ZNF225: variants seen among roughly 807,000 people sequenced by gnomAD.
The protein encoded by ZNF225 is zinc finger protein 225.
Under a neutral mutation model 12.0 loss-of-function variants are expected in ZNF225, and 6 were observed. The ratio of observed to expected loss-of-function variants is 0.50; its 90% CI spans 0.27 to 0.98. ZNF225 has a LOEUF of 0.98. ZNF225 is among the 50% of genes least tolerant of loss of function. The probability of loss-of-function intolerance (pLI) is 0.11; values close to 1 mark genes in which losing one functional copy is unlikely to be tolerated. For synonymous variants in ZNF225, 271 were observed against 283.2 expected, an observed-to-expected ratio of 0.96 and a Z score of 0.43; for missense variants, 763 against 848.2, an observed-to-expected ratio of 0.90 and a Z score of 1.25.
At position 44,131,338 on chromosome 19, in the gene ZNF225, AGTC is replaced by A. The variant is rs1968253105; in HGVS notation, c.727_729del (p.Arg244del). 2.5e-6 allele frequency: 4 copies of A among 1,614,064 alleles called. No homozygotes were observed. In the South Asian group the frequency reaches 4.4e-5, roughly 18 times the overall value. On this transcript the variant is annotated inframe_deletion, in exon 5 of 5. Transcript: ENST00000262894. ...ATGTGAGCAGTGTGGGAAAGGCTTT[AGTC>A]GTAGATCAGGACTTTATGTTCATCG...
intron 4 of ZNF225, among the ~76,000 whole-genome samples, chr19:44,120,861 T>C (rs1047741889): frequency 3.3e-5 from 5 of 151,402 alleles, no homozygotes; most frequent in Admixed American, 3.3e-4. Context: ...TCTCTCGCCC[T>C]CCTCCCACTC....
intron 4 of ZNF225, among the ~76,000 whole-genome samples, chr19:44,128,289 A>AACATGTT (rs537441232): frequency 6.6e-5 from 10 of 152,156 alleles, no homozygotes; most frequent in Non-Finnish European, 1.2e-4. Flanking sequence ...CAAATTTGTT[A>AACATGTT]AACATGTTAA....
chr19:44,125,932 C>T (rs1968138362), intron 4 of ZNF225, among the ~76,000 whole-genome samples: 1 of 151,980 alleles, frequency 6.6e-6, no homozygotes, highest in Admixed American at 6.6e-5. Context: ...AATATTTCTC[C>T]CTTCACTTAT....
At chr19:44,117,201 C>A (rs1354825440) in intron 2 of ZNF225, among the ~76,000 whole-genome samples, 1 of 152,100 alleles carries the variant, frequency 6.6e-6, no homozygotes, top group Non-Finnish European at 1.5e-5. Flanking sequence ...CTTGTTTAAT[C>A]ATTGAAAAAA....
rs777270641 is a variant in ZNF225, at chr19:44,132,750, T to C, written c.*15T>C. The C allele has an allele frequency of 3.4e-5, 52 of 1,542,044 alleles. 1 individual carries two copies. The highest frequency in any genetic ancestry group is 7.4e-5 in the South Asian group (6 of 80,826). On this transcript the variant is annotated 3_prime_UTR_variant, in exon 5 of 5. Transcript: ENST00000262894. ...ATGACACATAACTGTTGTACTCATT[T>C]ATGGGGTACAGTGTGATAGTTAATG...
In ZNF225 at chr19:44,132,131, A is replaced by G; in HGVS notation, c.1517A>G (p.His506Arg). The change falls in exon 5 of 5, where the codon CAC (histidine) becomes CGC (arginine). Residue 506 changes from histidine (H) to arginine (R), a missense_variant. By Grantham distance (29) the His-to-Arg change is conservative. Coordinates refer to ENST00000262894, the MANE Select transcript of ZNF225 (RefSeq NM_013362.4). ...NSQLYTHRRVHSGEKPFKCEE... is the reference protein window; with the variant it reads ...NSQLYTHRRVRSGEKPFKCEE... ...CAACTTTATACCCATCGTAGAGTCCACAGTGGAGAAAAACCATTCAAATGT... is the reference window on the plus strand; with the variant it reads ...CAACTTTATACCCATCGTAGAGTCCGCAGTGGAGAAAAACCATTCAAATGT... 8.1e-6 allele frequency: 13 copies of G among 1,614,204 alleles called. No homozygotes were observed. The highest frequency in any genetic ancestry group is 1.1e-5 in the Non-Finnish European group (13 of 1,180,004).
chr19:44,129,238 C>A, intron 4 of ZNF225: 1 of 634,304 alleles, frequency 1.6e-6, no homozygotes. Context: ...AGAGCTTAAC[C>A]AATTGCAAAG....
chr19:44,111,873 CTACTTTGT>C (rs1464592221), upstream of ZNF225: 2 of 152,144 alleles, frequency 1.3e-5, no homozygotes, highest in East Asian at 3.9e-4. Flanking sequence ...AATGAAGCAG[CTACTTTGT>C]CTGAGGTTTA....
upstream of ZNF225, chr19:44,111,971 T>C (rs1599669593): frequency 6.6e-6 from 1 of 152,162 alleles, no homozygotes; most frequent in Middle Eastern, 3.4e-3. Context: ...AGCGGAGGTT[T>C]AATAGGAAGA....
In ZNF225 at chr19:44,131,244, T is replaced by C. The variant is rs755462352; in HGVS notation, c.630T>C (p.Gly210=). Residue 210 remains glycine (G), a synonymous_variant, in exon 5 of 5, where the codon GGT becomes GGC. Coordinates refer to ENST00000262894, the MANE Select transcript of ZNF225 (RefSeq NM_013362.4). ...AACTCTATAATTGTGATGTGTGTGG[T>C]AAGGAATTCAATCAGAGCTCACATC... is the stretch of plus-strand genomic sequence containing the variant. ...GEKLYNCDVC[G]KEFNQSSHLQ... 6.2e-6 allele frequency: 10 copies of C among 1,614,052 alleles called. No individual in the cohort carries two copies. Among genetic ancestry groups the C allele is most frequent in the Non-Finnish European group, 6.8e-6 (8 of 1,180,040 alleles).
intron 4 of ZNF225, among the ~76,000 whole-genome samples, chr19:44,118,820 CT>C (rs111822475): frequency 3.0e-3 from 430 of 143,104 alleles, no homozygotes; most frequent in African/African-American, 2.9e-3. Context: ...TTTCTGGCTT[CT>C]TTTTTTTTTT....
intron 4 of ZNF225, among the ~76,000 whole-genome samples, chr19:44,124,024 T>C (rs1229593165): frequency 6.6e-6 from 1 of 152,142 alleles, no homozygotes; most frequent in African/African-American, 2.4e-5. Flanking sequence ...ATTTCTGCTC[T>C]GATCTTGGTT....
At position 44,118,268 on chromosome 19, in the gene ZNF225, G is replaced by A. The variant is rs569516660; in HGVS notation, c.96G>A (p.Leu32=). The change falls in exon 3 of 5, where the codon CTG becomes CTA. Residue 32 remains leucine, a synonymous_variant. Transcript: ENST00000262894. ...LRLLDLAQRK[L]YREVMLENFR... ...TGCTGGACCTTGCCCAGAGGAAACT[G>A]TACCGAGAAGTGATGCTGGAGAACT... 2.5e-6 allele frequency: 4 copies of A among 1,613,392 alleles called. No individual in the cohort carries two copies. The highest frequency in any genetic ancestry group is 3.4e-6 in the Non-Finnish European group (4 of 1,179,680).
chr19:44,116,206 T>C (rs1392648577), intron 2 of ZNF225, among the ~76,000 whole-genome samples: 2 of 152,220 alleles, frequency 1.3e-5, no homozygotes, highest in Non-Finnish European at 2.9e-5. Flanking sequence ...CTTCTCAGTC[T>C]TGGGAAGACT....
intron 1 of ZNF225, among the ~76,000 whole-genome samples, chr19:44,114,723 C>T (rs926413117): frequency 6.6e-6 from 1 of 152,200 alleles, no homozygotes; most frequent in Non-Finnish European, 1.5e-5. Flanking sequence ...GTTGGCCAGG[C>T]TGGTCTCAGA....
intron 4 of ZNF225, chr19:44,129,853 C>T (rs1190551412): frequency 6.6e-6 from 1 of 152,192 alleles, no homozygotes; most frequent in African/African-American, 2.4e-5. Context: ...GAGGACATCA[C>T]CCAGGCCTCT....
chr19:44,115,833 C>T lies in ZNF225; in HGVS notation c.6C>T (p.Thr2=). The T allele has an allele frequency of 1.2e-6, 2 of 1,612,780 alleles. No homozygotes were observed. Among genetic ancestry groups the T allele is most frequent in the Non-Finnish European group, 1.7e-6 (2 of 1,179,358 alleles). Residue 2 remains threonine (T), a synonymous_variant, in exon 2 of 5, where the codon ACC becomes ACT. Coordinates refer to ENST00000262894, the MANE Select transcript of ZNF225 (RefSeq NM_013362.4). ...TCCCTGAAATAGGAGGAAAAATGAC[C>T]ACGTTGAAGGTGAGTAGAGCTTGCC... M[T]TLKEAVTFKD...
upstream of ZNF225, among the ~76,000 whole-genome samples, chr19:44,111,491 C>T (rs948149498): frequency 1.3e-5 from 2 of 152,148 alleles, no homozygotes; most frequent in African/African-American, 2.4e-5. Flanking sequence ...GAAACAAATA[C>T]GTATACACGA....
chr19:44,115,710 C>A, intron 1 of ZNF225, 50 bp from the exon 2 acceptor site: 1 of 950,922 alleles, frequency 1.1e-6, no homozygotes, highest in Non-Finnish European at 1.6e-6. Context: ...GGATGGCATC[C>A]CTGGCCACAC....
Sources: allele counts gnomAD v4.1 joint callset (sites outside exome capture counted in the v4.1 genomes callset), GRCh38; gene constraint gnomAD v4.1.1; transcripts MANE v1.5; gene names NCBI Gene and HGNC (gene_info 2026-07-23, HGNC 2026-07-21).